The following SAMTOR variants were observed in gnomAD, a reference collection of about 807,000 sequenced individuals.
SAMTOR encodes S-adenosylmethionine sensor upstream of mTORC1, also known as UPF0532 protein C7orf60.
the SAMTOR span, among the ~76,000 whole-genome samples, chr7:112,823,715 T>G: frequency 6.6e-6 from 1 of 152,198 alleles, no homozygotes. Flanking sequence ...GTAGGTGGTG[T>G]AGTAGGTTTA....
At chr7:112,844,204 T>C in the SAMTOR span, among the ~76,000 whole-genome samples, 1 of 152,132 alleles carries the variant, frequency 6.6e-6, no homozygotes, top group Non-Finnish European at 1.5e-5. Flanking sequence ...GCACTCCCTT[T>C]GAAAACCAGC....
At chr7:112,939,775 G>GC in the SAMTOR span, 4 of 1,539,542 alleles carry the variant, frequency 2.6e-6, no homozygotes, top group African/African-American at 5.4e-5. Flanking sequence ...CGCCGCCGCC[G>GC]CCCCTCAGGC....
chr7:112,884,931 G>A, the SAMTOR span, among the ~76,000 whole-genome samples: 1 of 152,224 alleles, frequency 6.6e-6, no homozygotes, highest in African/African-American at 2.4e-5. Flanking sequence ...ACTTCTGCCT[G>A]GACATTCAGA....
chr7:112,823,284 A>G, the SAMTOR span, among the ~76,000 whole-genome samples: 140 of 152,292 alleles, frequency 9.2e-4, no homozygotes, highest in African/African-American at 2.1e-3. Context: ...GACAAAAAGC[A>G]TAAGTCTGAT....
At chr7:112,821,779 A>G in the SAMTOR span, 1 of 1,610,030 alleles carries the variant, frequency 6.2e-7, no homozygotes, top group Non-Finnish European at 8.5e-7. Flanking sequence ...TCTAGCTCAT[A>G]GAAAGGAATA....
At chr7:112,887,434 T>G in the SAMTOR span, among the ~76,000 whole-genome samples, 1 of 152,230 alleles carries the variant, frequency 6.6e-6, no homozygotes, top group Admixed American at 6.5e-5. Flanking sequence ...TTCAGTGTCT[T>G]AAACTTCATT....
the SAMTOR span, among the ~76,000 whole-genome samples, chr7:112,869,653 G>C: frequency 3.3e-5 from 5 of 152,070 alleles, no homozygotes; most frequent in African/African-American, 9.6e-5. Flanking sequence ...AAGAACTTCG[G>C]CAATTATAGA....
the SAMTOR span, among the ~76,000 whole-genome samples, chr7:112,879,677 T>C: frequency 1.7e-3 from 264 of 152,280 alleles, no homozygotes; most frequent in African/African-American, 6.1e-3. Context: ...AAGTAACATA[T>C]TGGAGCTTCA....
the SAMTOR span, chr7:112,895,528 A>G: frequency 7.2e-7 from 1 of 1,385,392 alleles, no homozygotes; most frequent in South Asian, 1.5e-5. Flanking sequence ...TCACATTAAT[A>G]CAGTTATCCA....
the SAMTOR span, among the ~76,000 whole-genome samples, chr7:112,824,611 T>C: frequency 3.9e-5 from 6 of 152,146 alleles, no homozygotes; most frequent in Admixed American, 1.3e-4. Flanking sequence ...TCCGCCCACC[T>C]TGGCCTCCCA....
At chr7:112,923,990 T>C in the SAMTOR span, among the ~76,000 whole-genome samples, 3 of 138,354 alleles carry the variant, frequency 2.2e-5, no homozygotes, top group African/African-American at 8.2e-5. Flanking sequence ...GGGAATTGAA[T>C]AATGAGAACA....
the SAMTOR span, among the ~76,000 whole-genome samples, chr7:112,828,393 G>A: frequency 6.6e-6 from 1 of 152,028 alleles, no homozygotes; most frequent in Admixed American, 6.5e-5. Context: ...GGTGGTCTTT[G>A]GTTTATAGAT....
At chr7:112,831,650 C>G in the SAMTOR span, among the ~76,000 whole-genome samples, 4 of 151,986 alleles carry the variant, frequency 2.6e-5, no homozygotes, top group Non-Finnish European at 5.9e-5. Context: ...AAAACTCCAT[C>G]TTAAAAAAAA....
At chr7:112,928,099 A>T in the SAMTOR span, among the ~76,000 whole-genome samples, 1 of 152,052 alleles carries the variant, frequency 6.6e-6, no homozygotes, top group African/African-American at 2.4e-5. Flanking sequence ...CATTTTTAAT[A>T]ACTTTGTGAT....
the SAMTOR span, among the ~76,000 whole-genome samples, chr7:112,837,281 T>C: frequency 6.6e-6 from 1 of 151,950 alleles, no homozygotes; most frequent in Non-Finnish European, 1.5e-5. Context: ...TTTGTACATT[T>C]ATTTTGTATC....
chr7:112,902,444 A>C, the SAMTOR span, among the ~76,000 whole-genome samples: 1 of 134,132 alleles, frequency 7.5e-6, no homozygotes, highest in African/African-American at 2.8e-5. Context: ...AAAAACAAAA[A>C]AAAACAAAAA....
chr7:112,921,597 G>T, the SAMTOR span, among the ~76,000 whole-genome samples: 17 of 146,478 alleles, frequency 1.2e-4, no homozygotes, highest in Admixed American at 3.4e-4. Flanking sequence ...ATTGACAAAT[G>T]GGATCTAATT....
chr7:112,927,777 A>C, the SAMTOR span, among the ~76,000 whole-genome samples: 4 of 152,064 alleles, frequency 2.6e-5, no homozygotes, highest in Non-Finnish European at 2.9e-5. Flanking sequence ...TCTAGAACAA[A>C]GTTCACATTA....
chr7:112,840,042 CTA>C, the SAMTOR span, among the ~76,000 whole-genome samples: 7 of 151,880 alleles, frequency 4.6e-5, no homozygotes, highest in Admixed American at 1.3e-4. Context: ...TCTACCTATT[CTA>C]TGTTTCTTTT....
Sources: gnomAD v4.1 joint callset for allele counts (sites outside exome capture counted in the v4.1 genomes callset) on GRCh38, gnomAD v4.1.1 for gene constraint, MANE v1.5 for transcripts, NCBI Gene and HGNC (gene_info 2026-07-23, HGNC 2026-07-21) for gene names.